Variants in GPR83 observed in about 807,000 individuals in gnomAD.
GPR83 encodes the protein G protein-coupled receptor 83.
Under a neutral mutation model 28.0 loss-of-function variants are expected in GPR83, and 23 were observed. That is an observed-to-expected ratio of 0.82 (90% CI 0.59 to 1.16). The LOEUF (loss-of-function observed/expected upper bound fraction) is 1.16, where lower values mean the gene tolerates loss of function less well. GPR83 is among the 50% of genes most tolerant of loss of function. GPR83 has a pLI of 0.00. For synonymous variants in GPR83, 234 were observed against 215.4 expected (o/e 1.09, Z -0.76); for missense variants, 610 against 536.6 (o/e 1.14, Z -1.35).
intron 3 of GPR83, among the ~76,000 whole-genome samples, chr11:94,385,562 A>C (rs918421276): frequency 6.6e-6 from 1 of 152,254 alleles, no homozygotes; most frequent in East Asian, 1.9e-4. Flanking sequence ...CACAAGCCTC[A>C]GTAACCAATG....
chr11:94,383,063 G>A (rs1294437649), intron 3 of GPR83, among the ~76,000 whole-genome samples: 2 of 151,848 alleles, frequency 1.3e-5, no homozygotes, highest in African/African-American at 4.8e-5. Context: ...AGCTACTCGG[G>A]AGGCTGAGGG....
chr11:94,394,899 T>C (rs946864951), intron 2 of GPR83, among the ~76,000 whole-genome samples: 1 of 152,158 alleles, frequency 6.6e-6, no homozygotes, highest in African/African-American at 2.4e-5. Context: ...CCCAGACCCA[T>C]CCTTAGCCCA....
chr11:94,384,255 T>G (rs962184530), intron 3 of GPR83, among the ~76,000 whole-genome samples: 2 of 152,174 alleles, frequency 1.3e-5, no homozygotes, highest in Non-Finnish European at 2.9e-5. Flanking sequence ...TCAATAGATG[T>G]AGAAAAGGCC....
chr11:94,392,430 A>C (rs927230637), intron 3 of GPR83, among the ~76,000 whole-genome samples: 1 of 152,170 alleles, frequency 6.6e-6, no homozygotes, highest in African/African-American at 2.4e-5. Flanking sequence ...ACAAAACTGC[A>C]CATTGTGTAC....
chr11:94,393,700 C>T (rs893493905), intron 2 of GPR83, 82 bp from the exon 3 acceptor site: 2 of 1,307,796 alleles, frequency 1.5e-6, no homozygotes, highest in African/African-American at 1.5e-5. Context: ...GGTGCTCACT[C>T]CTGTAATCCC....
chr11:94,391,162 T>A (rs1944812995), intron 3 of GPR83, among the ~76,000 whole-genome samples: 1 of 151,998 alleles, frequency 6.6e-6, no homozygotes, highest in African/African-American at 2.4e-5. Context: ...CCCTCAGAAA[T>A]AACACCACAC....
At chr11:94,397,211 C>A (rs553859433) in intron 1 of GPR83, among the ~76,000 whole-genome samples, 1 of 152,130 alleles carries the variant, frequency 6.6e-6, no homozygotes, top group South Asian at 2.1e-4. Context: ...CTCCCCAAAC[C>A]GTGTAGGGCC....
intron 2 of GPR83, 68 bp from the exon 3 acceptor site, chr11:94,393,686 C>G (rs549202535): frequency 4.2e-5 from 62 of 1,471,126 alleles, no homozygotes; most frequent in Non-Finnish European, 5.8e-5. Flanking sequence ...CTGGGTCAGG[C>G]GCAGGTGCTC....
chr11:94,381,095 T>G (rs1275771439), intron 3 of GPR83, among the ~76,000 whole-genome samples: 1 of 152,194 alleles, frequency 6.6e-6, no homozygotes, highest in African/African-American at 2.4e-5. Flanking sequence ...GGTTGAAAAC[T>G]AACTCATCCT....
Position 94,379,075 on chromosome 11 carries a change from T to C in GPR83, c.*1074A>G, listed in dbSNP as rs1371881676. ...TCATTACAATCTAAATGAAAAAGTA[T>C]AAATGAAAAAAAAGGGCCGGGCGGG... On this transcript the variant is annotated 3_prime_UTR_variant, in exon 4 of 4. Transcript: ENST00000243673. 6.6e-6 allele frequency: 1 copy of C among 151,716 alleles called. No individual in the cohort carries two copies. The highest frequency in any genetic ancestry group is 2.4e-5 in the African/African-American group (1 of 41,266). 9.4% of individuals were successfully genotyped at this position (151,716 alleles called of 1,614,324 possible).
rs1944868839 is a variant in GPR83 at position 94,396,540 on chromosome 11, A to G, written c.388-16T>C. ...CAAAGCGAACCTGGAGATGAGCCCA[A>G]AGATGTTAGGAGACAGACAGGCCTT... On this transcript the variant is annotated splice_polypyrimidine_tract_variant and intron_variant, in intron 1 of 3. Coordinates refer to ENST00000243673, the MANE Select transcript of GPR83 (RefSeq NM_016540.4). 1 of 1,612,828 alleles carries G rather than the reference A, an allele frequency of 6.2e-7. No homozygotes were observed. Among genetic ancestry groups the G allele is most frequent in the Non-Finnish European group, 8.5e-7 (1 of 1,178,894 alleles).
intron 2 of GPR83, among the ~76,000 whole-genome samples, chr11:94,396,178 C>T (rs7110046): frequency 0.26 from 40,043 of 152,124 alleles, 5,325 homozygotes; most frequent in East Asian, 0.37. Flanking sequence ...CGAGATGGTG[C>T]CACTGCACTC....
chr11:94,385,144 G>A (rs535014447), intron 3 of GPR83, among the ~76,000 whole-genome samples: 1 of 152,304 alleles, frequency 6.6e-6, no homozygotes, highest in South Asian at 2.1e-4. Flanking sequence ...GGTCCCGACT[G>A]TTAGAAGGAA....
intron 3 of GPR83, among the ~76,000 whole-genome samples, chr11:94,382,935 C>G (rs183563260): frequency 6.6e-6 from 1 of 151,888 alleles, no homozygotes; most frequent in African/African-American, 2.4e-5. Context: ...GAGGCCAAGG[C>G]GGGCGGATCA....
chr11:94,382,750 A>C (rs556796543), intron 3 of GPR83, among the ~76,000 whole-genome samples: 39 of 152,292 alleles, frequency 2.6e-4, no homozygotes, highest in African/African-American at 9.1e-4. Context: ...GTACCTCATC[A>C]CACTTATTCT....
intron 1 of GPR83, among the ~76,000 whole-genome samples, chr11:94,397,393 G>A (rs922779242): frequency 4.6e-5 from 7 of 152,246 alleles, no homozygotes; most frequent in African/African-American, 1.7e-4. Flanking sequence ...GTGCAAGACA[G>A]AAAGTAATCA....
chr11:94,380,479 G>A lies in GPR83; in HGVS notation c.942C>T (p.Leu314=). 7 of 1,614,094 alleles carry A rather than the reference G, an allele frequency of 4.3e-6. No individual in the cohort carries two copies. The highest frequency in any genetic ancestry group is 5.9e-6 in the Non-Finnish European group (7 of 1,179,914). The change falls in exon 4 of 4, where the codon CTC becomes CTT. Residue 314 remains leucine, a synonymous_variant. Coordinates refer to ENST00000243673, the MANE Select transcript of GPR83 (RefSeq NM_016540.4). ...CWFPLNCYVL[L]LSSKVIRTNN... is the part of the protein sequence containing the mutation. The stretch of plus-strand genomic sequence containing the variant: ...TGGTGCGGATGACCTTGCTGGACAG[G>A]AGGAGGACGTAGCAGTTGAGGGGGA...
intron 3 of GPR83, among the ~76,000 whole-genome samples, chr11:94,381,527 C>T (rs563041048): frequency 2.0e-4 from 30 of 150,048 alleles, no homozygotes; most frequent in Admixed American, 1.3e-3. Flanking sequence ...GCCTGTTTCT[C>T]TTGACCCTGC....
At chr11:94,396,557 A>G (rs534478627) in intron 1 of GPR83, 33 bp from the exon 2 acceptor site, 2 of 1,605,164 alleles carry the variant, frequency 1.2e-6, no homozygotes, top group East Asian at 4.5e-5. Context: ...TAGGAGACAG[A>G]CAGGCCTTGA....
Sources: gnomAD v4.1 joint callset for allele counts (sites outside exome capture counted in the v4.1 genomes callset) on GRCh38, gnomAD v4.1.1 for gene constraint, MANE v1.5 for transcripts, NCBI Gene and HGNC (gene_info 2026-07-23, HGNC 2026-07-21) for gene names.